FTCDNL1: variants seen among roughly 807,000 people sequenced by gnomAD.
FTCDNL1 encodes formiminotransferase cyclodeaminase N-terminal like, also known as formiminotransferase N-terminal subdomain-containing protein.
Under a neutral mutation model 5.9 loss-of-function variants are expected in FTCDNL1, and 11 were observed. That is an observed-to-expected ratio of 1.87 (90% CI 1.18 to 3.10). FTCDNL1 has a LOEUF of 3.10. Ranked by LOEUF, FTCDNL1 falls within the 30% of genes most tolerant of loss-of-function variation. The pLI is 0.00. For synonymous variants in FTCDNL1, 58 were observed against 24.8 expected, an observed-to-expected ratio of 2.34 and a Z score of -3.99; for missense variants, 115 against 65.5, an observed-to-expected ratio of 1.76 and a Z score of -2.61.
At chr2:199,840,659 T>C (rs927592815) in intron 3 of FTCDNL1, among the ~76,000 whole-genome samples, 1 of 152,294 alleles carries the variant, frequency 6.6e-6, no homozygotes, top group East Asian at 1.9e-4. Flanking sequence ...AGTACTCAGC[T>C]GGCTCTGAGG....
downstream of FTCDNL1, among the ~76,000 whole-genome samples, chr2:199,804,929 C>A (rs932689542): frequency 3.3e-5 from 5 of 152,188 alleles, no homozygotes; most frequent in African/African-American, 1.2e-4. Flanking sequence ...GCAGGCAGCA[C>A]CACTCACTAC....
In FTCDNL1 at chr2:199,785,829, G is replaced by T. The variant is rs78427733; in HGVS notation, c.212-24994C>A. Among the ~76,000 whole-genome samples, 242 of 152,204 alleles carry T rather than the reference G, an allele frequency of 1.6e-3. 1 individual carries two copies. Among genetic ancestry groups the T allele is most frequent in the Non-Finnish European group, 2.7e-3 (187 of 68,006 alleles). ...GTTGTTTAGTCACCAACAGAACAAT[G>T]ATGTCCTAAATCAGTGGTCCCCAAA... On this transcript the variant is annotated intron_variant, in intron 3 of 3. Coordinates refer to the FTCDNL1 transcript ENST00000416668.
At chr2:199,763,319 T>C (rs755112586) in intron 3 of FTCDNL1, among the ~76,000 whole-genome samples, 34 of 152,132 alleles carry the variant, frequency 2.2e-4, no homozygotes, top group Admixed American at 3.3e-4. Flanking sequence ...TGACTTGTAG[T>C]GTGCACCAAG....
intron 3 of FTCDNL1, among the ~76,000 whole-genome samples, chr2:199,796,226 C>T (rs542743879): frequency 2.0e-5 from 3 of 152,154 alleles, no homozygotes; most frequent in South Asian, 2.1e-4. Context: ...AAGTTTATCA[C>T]GGTGACAATA....
At chr2:199,713,791 T>A in the FTCDNL1 span, among the ~76,000 whole-genome samples, 1 of 152,208 alleles carries the variant, frequency 6.6e-6, no homozygotes, top group African/African-American at 2.4e-5. Flanking sequence ...ATCTGAACAA[T>A]ATGCCTTTCT....
chr2:199,803,433 T>C (rs148130445), intron 3 of FTCDNL1, among the ~76,000 whole-genome samples: 2,969 of 142,636 alleles, frequency 0.021, 41 homozygotes, highest in Non-Finnish European at 0.031. Flanking sequence ...AGAATGTGGG[T>C]CCAAGGTTAT....
At chr2:199,717,986 C>A in the FTCDNL1 span, among the ~76,000 whole-genome samples, 105 of 142,422 alleles carry the variant, frequency 7.4e-4, no homozygotes, top group Middle Eastern at 0.011. Context: ...ACCAAAAAAA[C>A]AAAAAAAAAA....
the FTCDNL1 span, among the ~76,000 whole-genome samples, chr2:199,670,445 G>T: frequency 6.6e-6 from 1 of 152,150 alleles, no homozygotes; most frequent in Admixed American, 6.5e-5. Flanking sequence ...AATCAGTTTT[G>T]TCTAGGATCA....
chr2:199,803,549 T>C (rs1700576222), intron 3 of FTCDNL1, among the ~76,000 whole-genome samples: 1 of 152,202 alleles, frequency 6.6e-6, no homozygotes, highest in Admixed American at 6.5e-5. Context: ...ACTGCAGCCT[T>C]GATCTCTCAG....
chr2:199,827,100 T>C (rs1702082957), intron 3 of FTCDNL1, among the ~76,000 whole-genome samples: 1 of 152,208 alleles, frequency 6.6e-6, no homozygotes, highest in Non-Finnish European at 1.5e-5. Flanking sequence ...AGCCTCCTGG[T>C]GTGATGCAGT....
chr2:199,783,847 A>G (rs113294334), intron 3 of FTCDNL1, among the ~76,000 whole-genome samples: 2,107 of 149,326 alleles, frequency 0.014, 40 homozygotes, highest in African/African-American at 0.049. Context: ...TTCTGTGCTG[A>G]AAAAAAAAAC....
At chr2:199,748,193 A>G in the FTCDNL1 span, among the ~76,000 whole-genome samples, 1 of 152,242 alleles carries the variant, frequency 6.6e-6, no homozygotes, top group African/African-American at 2.4e-5. Flanking sequence ...CATATAAGAA[A>G]AGGAAACTCA....
At chr2:199,749,901 A>G in the FTCDNL1 span, among the ~76,000 whole-genome samples, 1 of 151,540 alleles carries the variant, frequency 6.6e-6, no homozygotes, top group Non-Finnish European at 1.5e-5. Flanking sequence ...TACAGCTTCC[A>G]TCTTATATTC....
chr2:199,828,126 T>C (rs1013496880), intron 3 of FTCDNL1, among the ~76,000 whole-genome samples: 4 of 152,198 alleles, frequency 2.6e-5, no homozygotes, highest in Non-Finnish European at 5.9e-5. Flanking sequence ...GTATTTGTAA[T>C]TTTGTTGGAA....
chr2:199,747,731 T>A, the FTCDNL1 span, among the ~76,000 whole-genome samples: 1 of 152,128 alleles, frequency 6.6e-6, no homozygotes, highest in South Asian at 2.1e-4. Flanking sequence ...ACCAGCAGAA[T>A]GGTGAGAGCT....
intron 3 of FTCDNL1, among the ~76,000 whole-genome samples, chr2:199,843,907 G>A (rs2076658670): frequency 6.6e-6 from 1 of 151,320 alleles, no homozygotes; most frequent in Admixed American, 6.6e-5. Context: ...TCAAGTGGCA[G>A]TTCAGCTCTA....
exon 4 of FTCDNL1, chr2:199,760,713 T>C (rs1175900810): frequency 5.8e-6 from 4 of 690,724 alleles, no homozygotes; most frequent in Non-Finnish European, 1.1e-5. Flanking sequence ...TAAATGGTAC[T>C]GTGTGTTGGT....
the FTCDNL1 span, among the ~76,000 whole-genome samples, chr2:199,684,983 G>C: frequency 6.6e-6 from 1 of 151,910 alleles, no homozygotes; most frequent in Admixed American, 6.6e-5. Context: ...TTTTTTCCCT[G>C]AGTCTGTAAT....
At chr2:199,682,755 G>A in the FTCDNL1 span, among the ~76,000 whole-genome samples, 1 of 152,176 alleles carries the variant, frequency 6.6e-6, no homozygotes, top group Non-Finnish European at 1.5e-5. Context: ...AAGTGCATTA[G>A]CAAAGAGTAT....
Sources: allele counts gnomAD v4.1 joint callset (sites outside exome capture counted in the v4.1 genomes callset), GRCh38; gene constraint gnomAD v4.1.1; transcripts MANE v1.5; gene names NCBI Gene and HGNC (gene_info 2026-07-23, HGNC 2026-07-21).